CBLB: variants seen among roughly 807,000 people sequenced by gnomAD.
The protein encoded by CBLB is Cbl proto-oncogene B.
A neutral mutation model predicts 104.9 loss-of-function variants in CBLB; 31 were observed. That is an observed-to-expected ratio of 0.30 (90% CI 0.22 to 0.40). The LOEUF is 0.40. Among genes scored for constraint, CBLB ranks in the 10% least tolerant of loss-of-function variants. The pLI is 1.00. For synonymous variants in CBLB, 440 were observed against 422.6 expected (o/e 1.04, Z -0.51); for missense variants, 1,062 against 1,214.6 (o/e 0.87, Z 1.87).
At position 105,656,995 on chromosome 3, in the gene CBLB, CTACTCATGGG is replaced by C. The variant is rs2063394037; in HGVS notation, c.*1965_*1974del. The C allele has an allele frequency of 4.5e-6, 1 of 223,604 alleles. No homozygotes were observed. Among genetic ancestry groups the C allele is most frequent in the Non-Finnish European group, 8.9e-6 (1 of 111,948 alleles). 13.9% of individuals were successfully genotyped at this position (223,604 alleles called of 1,614,324 possible). A position where few individuals can be genotyped will look rare whatever the true frequency, so the allele number is the denominator to read the frequency against. The stretch of plus-strand genomic sequence containing the variant: ...AGTGTAAGAAACTTCACTCATGTAC[CTACTCATGGG>C]AAGAACATCTAAGGCAAATGAAAAA... On this transcript the variant is annotated 3_prime_UTR_variant, in exon 19 of 19. Coordinates refer to ENST00000394030, the MANE Select transcript of CBLB (RefSeq NM_170662.5).
rs1033908347 is a variant in CBLB, at chr3:105,763,349, G to T, written c.567-11731C>A. ...GACATGAGATATGGGAGGGGCCAGT[G>T]GCAGAATGACATCGTTTGGCTGTGT... On this transcript the variant is annotated intron_variant, in intron 4 of 18. Transcript: ENST00000394030. Among the ~76,000 whole-genome samples the T allele has an allele frequency of 7.2e-5, 11 of 152,260 alleles. 1 individual carries two copies. Among genetic ancestry groups the T allele is most frequent in the African/African-American group, 2.6e-4 (11 of 41,538 alleles).
intron 3 of CBLB, among the ~76,000 whole-genome samples, chr3:105,805,630 A>G (rs561204605): frequency 8.3e-4 from 127 of 152,174 alleles, no homozygotes; most frequent in African/African-American, 2.9e-3. Context: ...TTATACTACT[A>G]TATTTTATTC....
chr3:105,821,802 C>T (rs113043005), intron 3 of CBLB, among the ~76,000 whole-genome samples: 193 of 152,280 alleles, frequency 1.3e-3, no homozygotes, highest in Admixed American at 2.9e-3. Flanking sequence ...CTTCTTTTCC[C>T]TCCTACCTCA....
At chr3:105,669,311 T>A (rs955793348) in intron 18 of CBLB, among the ~76,000 whole-genome samples, 1 of 152,184 alleles carries the variant, frequency 6.6e-6, no homozygotes, top group African/African-American at 2.4e-5. Context: ...ATTAGTTTCC[T>A]TATGAAACAG....
chr3:105,868,808 T>G lies in CBLB; in HGVS notation c.-87A>C, dbSNP rs1706633851. ...CTCCACACGCACGCAGCCCAGTGTGTGTGGGGAGCCCCGGCTGGGAGTGGG... is the reference window on the plus strand; with the variant it reads ...CTCCACACGCACGCAGCCCAGTGTGGGTGGGGAGCCCCGGCTGGGAGTGGG... On this transcript the variant is annotated 5_prime_UTR_variant, in exon 1 of 19. Transcript: ENST00000394030. 1.0e-6 allele frequency: 1 copy of G among 995,080 alleles called. No individual in the cohort carries two copies. The highest frequency in any genetic ancestry group is 1.7e-5 in the African/African-American group (1 of 57,254). The allele number at this position is 995,080 out of a possible 1,614,324, so 61.6% of individuals were successfully genotyped here.
intron 8 of CBLB, among the ~76,000 whole-genome samples, 169 bp from the exon 9 acceptor site, chr3:105,734,309 C>G (rs2074666236): frequency 6.6e-6 from 1 of 152,096 alleles, no homozygotes; most frequent in Non-Finnish European, 1.5e-5. Flanking sequence ...ACAATTTGGT[C>G]TACAAAATTC....
In CBLB at chr3:105,703,738, C is replaced by G. The variant is rs530422098; in HGVS notation, c.1593+250G>C. Among the ~76,000 whole-genome samples, 14 of 152,236 alleles carry G rather than the reference C, an allele frequency of 9.2e-5. 1 individual carries two copies. In the South Asian group the frequency reaches 2.7e-3, roughly 29 times the overall value. On this transcript the variant is annotated intron_variant, in intron 11 of 18. Transcript: ENST00000394030. ...AAATCTATTTTACAAAATAACTATA[C>G]TTACTCTGCTTCTTATTCTGGCAAA...
At chr3:105,832,191 C>T (rs551261223) in intron 3 of CBLB, among the ~76,000 whole-genome samples, 92 of 152,142 alleles carry the variant, frequency 6.0e-4, no homozygotes, top group Middle Eastern at 3.4e-3. Flanking sequence ...AATATACGAC[C>T]CATATACAAC....
At chr3:105,689,378 A>C (rs2152746981) in intron 13 of CBLB, among the ~76,000 whole-genome samples, 1 of 151,460 alleles carries the variant, frequency 6.6e-6, no homozygotes, top group East Asian at 1.9e-4. Flanking sequence ...TCCAACAACA[A>C]AAAAACCTTT....
intron 4 of CBLB, among the ~76,000 whole-genome samples, chr3:105,754,238 T>A (rs944829599): frequency 6.6e-6 from 1 of 152,060 alleles, no homozygotes; most frequent in Non-Finnish European, 1.5e-5. Flanking sequence ...TAGATTATTC[T>A]AAACTGTTGC....
chr3:105,731,472 A>G (rs1195028760), intron 9 of CBLB, among the ~76,000 whole-genome samples: 1 of 152,230 alleles, frequency 6.6e-6, no homozygotes, highest in Non-Finnish European at 1.5e-5. Context: ...ATGTGAAGTT[A>G]GGACTTAAGT....
rs138345033 is a variant in CBLB at position 105,836,114 on chromosome 3, T to C, written c.419+17300A>G. ...TTCACAACCTTAATTAATCTCTTGATAAAGATGTGGGAAGACCACCATGTT... is the reference window on the plus strand; with the variant it reads ...TTCACAACCTTAATTAATCTCTTGACAAAGATGTGGGAAGACCACCATGTT... On this transcript the variant is annotated intron_variant, in intron 3 of 18. Transcript: ENST00000394030. Among the ~76,000 whole-genome samples, 188 of 152,322 alleles carry C rather than the reference T, an allele frequency of 1.2e-3. 1 individual carries two copies. The highest frequency in any genetic ancestry group is 1.9e-3 in the East Asian group (10 of 5,192).
intron 10 of CBLB, among the ~76,000 whole-genome samples, chr3:105,718,417 ATTTGG>A (rs1288342516): frequency 6.6e-6 from 1 of 152,200 alleles, no homozygotes; most frequent in African/African-American, 2.4e-5. Flanking sequence ...AAGGGAATGT[ATTTGG>A]TCAGCATGGA....
intron 3 of CBLB, among the ~76,000 whole-genome samples, chr3:105,822,054 T>C (rs1251789790): frequency 6.6e-6 from 1 of 152,182 alleles, no homozygotes; most frequent in East Asian, 1.9e-4. Flanking sequence ...CATATGGATG[T>C]ATAAGTTATT....
At chr3:105,681,144 A>G (rs2066271190) in intron 16 of CBLB, 1 of 366,236 alleles carries the variant, frequency 2.7e-6, no homozygotes, top group Non-Finnish European at 4.9e-6. Flanking sequence ...TTTATTAAGA[A>G]TTATTATACT....
intron 14 of CBLB, among the ~76,000 whole-genome samples, chr3:105,682,628 T>A (rs543410083): frequency 5.9e-5 from 9 of 152,262 alleles, no homozygotes; most frequent in African/African-American, 2.2e-4. Flanking sequence ...TGCCTTAGCC[T>A]CCCAAGTAGC....
At chr3:105,712,795 A>G (rs1017261709) in intron 10 of CBLB, among the ~76,000 whole-genome samples, 2 of 152,212 alleles carry the variant, frequency 1.3e-5, no homozygotes, top group African/African-American at 2.4e-5. Context: ...AACTATATAG[A>G]TGTTAATATG....
intron 3 of CBLB, among the ~76,000 whole-genome samples, chr3:105,820,850 G>A (rs879576128): frequency 6.6e-6 from 1 of 151,906 alleles, no homozygotes. Flanking sequence ...TAGGAAGTTC[G>A]TTCTCTATTT....
intron 18 of CBLB, among the ~76,000 whole-genome samples, chr3:105,665,416 A>AATATATATATAT (rs71111381): frequency 3.0e-5 from 3 of 98,642 alleles, no homozygotes; most frequent in South Asian, 3.6e-4. Flanking sequence ...TAAATAAATA[A>AATATATATATAT]ATATATATAT....
Sources: allele counts gnomAD v4.1 joint callset (sites outside exome capture counted in the v4.1 genomes callset), GRCh38; gene constraint gnomAD v4.1.1; transcripts MANE v1.5; gene names NCBI Gene and HGNC (gene_info 2026-07-23, HGNC 2026-07-21).